Variants in TTBK1 observed in about 807,000 individuals in gnomAD.
TTBK1 encodes tau-tubulin kinase 1.
TTBK1 carries 34 observed loss-of-function variants against 108.5 expected under a neutral mutation model. The ratio of observed to expected loss-of-function variants is 0.31; its 90% CI spans 0.24 to 0.42. The LOEUF (loss-of-function observed/expected upper bound fraction) is 0.42. Among genes scored for constraint, TTBK1 ranks in the 10% least tolerant of loss-of-function variants. The pLI is 1.00. For synonymous variants in TTBK1, 809 were observed against 795.1 expected (o/e 1.02, Z -0.29); for missense variants, 1,539 against 1,826.0 (o/e 0.84, Z 2.86).
In TTBK1 at chr6:43,252,718, C is replaced by T. The variant is rs574064840; in HGVS notation, c.109-21C>T. On this transcript the variant is annotated intron_variant, in intron 2 of 14. Coordinates refer to ENST00000259750, the MANE Select transcript of TTBK1 (RefSeq NM_032538.3). ...TGTTCAGCCTGATCCCTGAGCACCC[C>T]CTATCCCCTCATCTTCATAGCTGAA... 40 of 1,613,622 alleles carry T rather than the reference C, an allele frequency of 2.5e-5. No homozygotes were observed. In the South Asian group the frequency reaches 3.5e-4, roughly 14 times the overall value.
intron 2 of TTBK1, among the ~76,000 whole-genome samples, chr6:43,251,991 G>C (rs1056186988): frequency 2.0e-5 from 3 of 152,190 alleles, no homozygotes; most frequent in Non-Finnish European, 1.5e-5. Context: ...AGACTGGGAG[G>C]TCTGGCAATT....
chr6:43,281,941 G>T (rs1042128466), intron 13 of TTBK1, among the ~76,000 whole-genome samples: 1 of 152,148 alleles, frequency 6.6e-6, no homozygotes, highest in Admixed American at 6.5e-5. Context: ...GAGGCTAAGG[G>T]GGACATGGCA....
intron 6 of TTBK1, 49 bp from the exon 7 acceptor site, chr6:43,255,000 T>G: frequency 6.4e-7 from 1 of 1,570,598 alleles, no homozygotes. Flanking sequence ...GAGAGGTGGC[T>G]GAGGTGAGGG....
At position 43,282,836 on chromosome 6, in the gene TTBK1, C is replaced by G; in HGVS notation, c.2096C>G (p.Ala699Gly). 6.2e-7 allele frequency: 1 copy of G among 1,614,006 alleles called. No homozygotes were observed. The highest frequency in any genetic ancestry group is 1.1e-5 in the South Asian group (1 of 91,072). ...GACCTCTCCGATTACCGAGAACGGG[C>G]GCGGTTGCTCAACAGGGTCCGGAGG... The part of the protein sequence containing the change: ...KRDLSDYRER[A>G]RLLNRVRRVG... The change falls in exon 14 of 15, where the codon GCG (alanine) becomes GGG (glycine). Residue 699 changes from alanine (A) to glycine (G), a missense_variant. By Grantham distance (60) the Ala-to-Gly change is moderately conservative. Coordinates refer to ENST00000259750, the MANE Select transcript of TTBK1 (RefSeq NM_032538.3). The surrounding 1 kb of genome is among the most constrained non-coding windows in gnomAD (Gnocchi z 5.4).
intron 9 of TTBK1, 63 bp downstream of exon 9, chr6:43,255,919 C>T (rs1582482951): frequency 6.2e-7 from 1 of 1,602,158 alleles, no homozygotes; most frequent in East Asian, 2.2e-5. Flanking sequence ...TGTCCCCCAG[C>T]AGACCTCGCT....
At chr6:43,248,000 C>A (rs866502969) in intron 2 of TTBK1, 1 of 152,096 alleles carries the variant, frequency 6.6e-6, no homozygotes, top group Non-Finnish European at 1.5e-5. Context: ...ATAAAAGGAA[C>A]GAGGGTCTGG....
chr6:43,272,174 A>G (rs1222075623), intron 13 of TTBK1: 5 of 985,296 alleles, frequency 5.1e-6, no homozygotes, highest in East Asian at 1.1e-4. Flanking sequence ...CATCTGCTCC[A>G]TAAGTCAGCA....
Position 43,283,375 on chromosome 6 carries a change from C to T in TTBK1, c.2635C>T (p.Leu879=), listed in dbSNP as rs1294101768. ...HERPQPTGSQ[L]DVSEPGTLSS... ...GCGGCCCCAGCCCACGGGCAGCCAG[C>T]TGGACGTATCTGAGCCAGGCACCCT... is the stretch of plus-strand genomic sequence containing the variant. The change falls in exon 14 of 15, where the codon CTG becomes TTG. Residue 879 remains leucine (L), a synonymous_variant. Coordinates refer to ENST00000259750, the MANE Select transcript of TTBK1 (RefSeq NM_032538.3). This position sits in a 1 kb window ranked among gnomAD's most constrained non-coding sequence, Gnocchi z 8.1. 1.9e-6 allele frequency: 3 copies of T among 1,604,496 alleles called. No homozygotes were observed. In the East Asian group the frequency reaches 6.7e-5, roughly 36 times the overall value.
At chr6:43,245,603 A>T (rs1290853252) in intron 1 of TTBK1, among the ~76,000 whole-genome samples, 2 of 152,178 alleles carry the variant, frequency 1.3e-5, no homozygotes, top group African/African-American at 4.8e-5. Flanking sequence ...ATACACACAC[A>T]GACATACACA....
chr6:43,253,023 G>C lies in TTBK1; in HGVS notation c.256+137G>C, dbSNP rs1777286907. On this transcript the variant is annotated intron_variant, in intron 3 of 14. Transcript: ENST00000259750. This position sits in a 1 kb window ranked among gnomAD's most constrained non-coding sequence, Gnocchi z 5.8. ...AAAAGGGGATGGAGCCAGGAGCTAA[G>C]GGGGAGGTGACGGAGCCAGAGTCTA... 8.6e-7 allele frequency: 1 copy of C among 1,164,928 alleles called. No individual in the cohort carries two copies. The highest frequency in any genetic ancestry group is 2.2e-5 in the Admixed American group (1 of 45,526). The allele number at this position is 1,164,928 out of a possible 1,614,324, so 72.2% of individuals were successfully genotyped here.
Position 43,286,565 on chromosome 6 carries a change from C to G in TTBK1, c.*1189C>G, listed in dbSNP as rs113424266. 1,462 of 152,476 alleles carry G rather than the reference C, an allele frequency of 9.6e-3. 8 individuals carry two copies. The highest frequency in any genetic ancestry group is 0.012 in the African/African-American group (485 of 41,544). The allele number at this position is 152,476 out of a possible 1,614,324, so 9.4% of individuals were successfully genotyped here. A position where few individuals can be genotyped will look rare whatever the true frequency, so the allele number is the denominator to read the frequency against. The stretch of plus-strand genomic sequence containing the variant: ...CAGGTGGACCAACAGACAGCTGGCC[C>G]CTGGAGGCAGAAAGGCCCTTCTAAC... On this transcript the variant is annotated 3_prime_UTR_variant, in exon 15 of 15. Coordinates refer to ENST00000259750, the MANE Select transcript of TTBK1 (RefSeq NM_032538.3). This position sits in a 1 kb window ranked among gnomAD's most constrained non-coding sequence, Gnocchi z 4.6.
intron 2 of TTBK1, among the ~76,000 whole-genome samples, chr6:43,252,212 G>A (rs895801068): frequency 5.3e-5 from 8 of 150,974 alleles, no homozygotes; most frequent in African/African-American, 1.9e-4. Context: ...GTGTGTGTGT[G>A]TGTGTGTGTG....
chr6:43,255,962 C>T (rs1431606818), intron 9 of TTBK1, 106 bp downstream of exon 9: 7 of 1,413,846 alleles, frequency 5.0e-6, no homozygotes, highest in Non-Finnish European at 6.9e-6. Flanking sequence ...GCCTTGTCCC[C>T]AAGCCTCTCC....
At chr6:43,268,742 G>C (rs2150701215) in intron 13 of TTBK1, among the ~76,000 whole-genome samples, 1 of 152,320 alleles carries the variant, frequency 6.6e-6, no homozygotes, top group East Asian at 1.9e-4. Flanking sequence ...GCCCAGCCCT[G>C]TACACAAGCT....
rs559037016 is a variant in TTBK1 at position 43,247,050 on chromosome 6, G to C, written c.108+282G>C. ...AACTCCTGGTTGGATGTCTGGGCAG[G>C]AGCTGCAGAGGCCAGTGTGGCGGAG... On this transcript the variant is annotated intron_variant, in intron 2 of 14. Coordinates refer to ENST00000259750, the MANE Select transcript of TTBK1 (RefSeq NM_032538.3). Among the ~76,000 whole-genome samples, 7 of 152,306 alleles carry C rather than the reference G, an allele frequency of 4.6e-5. No individual in the cohort carries two copies. The East Asian group carries it at 1.4e-3, about 29-fold the overall frequency.
In TTBK1 at chr6:43,283,878, T is replaced by G; in HGVS notation, c.3138T>G (p.Ala1046=). The G allele has an allele frequency of 1.2e-6, 2 of 1,610,928 alleles. No individual in the cohort carries two copies. The highest frequency in any genetic ancestry group is 1.3e-5 in the African/African-American group (1 of 74,994). The change falls in exon 14 of 15, where the codon GCT becomes GCG. Residue 1046 remains alanine (A), a synonymous_variant. Transcript: ENST00000259750. This position sits in a 1 kb window ranked among gnomAD's most constrained non-coding sequence, Gnocchi z 8.1. ...KVATISPRRH[A]MPGSRPRSRI... ...CCACCATCTCCCCCAGACGCCATGCTATGCCAGGCTCTCGCCCCAGGAGCC... is the reference window on the plus strand; with the variant it reads ...CCACCATCTCCCCCAGACGCCATGCGATGCCAGGCTCTCGCCCCAGGAGCC...
At chr6:43,281,042 A>G (rs1778144416) in intron 13 of TTBK1, among the ~76,000 whole-genome samples, 1 of 152,128 alleles carries the variant, frequency 6.6e-6, no homozygotes, top group Admixed American at 6.5e-5. Flanking sequence ...GCCAGGTCAC[A>G]GGGCTGGGTG....
At chr6:43,274,118 A>G (rs1010526757) in intron 13 of TTBK1, among the ~76,000 whole-genome samples, 2 of 152,188 alleles carry the variant, frequency 1.3e-5, no homozygotes, top group Non-Finnish European at 2.9e-5. Context: ...GGTCCGTGAC[A>G]AATGCGCTAG....
Position 43,252,893 on chromosome 6 carries a change from G to C in TTBK1, c.256+7G>C. ...GTGCTCAAGAAGTTGCAAGGTTCGG[G>C]CCTCGGGCAGGGGGATGGGAAGGAA... On this transcript the variant is annotated splice_region_variant and intron_variant, in intron 3 of 14. Transcript: ENST00000259750. 1.2e-6 allele frequency: 2 copies of C among 1,613,132 alleles called. No individual in the cohort carries two copies. The highest frequency in any genetic ancestry group is 8.5e-7 in the Non-Finnish European group (1 of 1,179,828).
Sources: allele counts gnomAD v4.1 joint callset (sites outside exome capture counted in the v4.1 genomes callset), GRCh38; gene constraint gnomAD v4.1.1; non-coding constraint Gnocchi (gnomAD v3.1); transcripts MANE v1.5; gene names NCBI Gene and HGNC (gene_info 2026-07-23, HGNC 2026-07-21).